Variants in DLG2 observed in about 807,000 individuals in gnomAD.
DLG2 encodes discs large MAGUK scaffold protein 2, also known as disks large homolog 2.
In DLG2, 45 loss-of-function variants were observed where a neutral mutation model predicts 132.5. The observed-to-expected ratio is 0.34, with a 90% CI of 0.27 to 0.44. DLG2 has a LOEUF of 0.44. Ranked by LOEUF, DLG2 falls within the 20% of genes least tolerant of loss-of-function variation. DLG2 has a pLI of 1.00. For missense variants in DLG2, 1,045 were observed against 1,196.9 expected, an observed-to-expected ratio of 0.87 and a Z score of 1.87; for synonymous variants, 424 against 419.6, an observed-to-expected ratio of 1.01 and a Z score of -0.13.
intron 6 of DLG2, among the ~76,000 whole-genome samples, chr11:85,003,333 AT>A (rs2058373187): frequency 6.6e-6 from 1 of 152,192 alleles, no homozygotes; most frequent in Non-Finnish European, 1.5e-5. Context: ...TTCAAAAAAA[AT>A]ATTCAGAAGT....
intron 14 of DLG2, among the ~76,000 whole-genome samples, chr11:83,946,279 C>T (rs891104291): frequency 2.0e-5 from 3 of 152,200 alleles, no homozygotes; most frequent in Middle Eastern, 3.2e-3. Flanking sequence ...TGAGCCACCA[C>T]ACCCAGCCAA....
chr11:84,920,113 A>G (rs2092687597), intron 6 of DLG2, among the ~76,000 whole-genome samples: 1 of 152,210 alleles, frequency 6.6e-6, no homozygotes, highest in Non-Finnish European at 1.5e-5. Flanking sequence ...CTTCTAGAAA[A>G]TAGGTAGCAA....
intron 9 of DLG2, among the ~76,000 whole-genome samples, chr11:84,109,283 C>T (rs1439620625): frequency 6.6e-6 from 1 of 152,068 alleles, no homozygotes; most frequent in Non-Finnish European, 1.5e-5. Context: ...TACTTTGGTC[C>T]CCACAACTGT....
intron 18 of DLG2, among the ~76,000 whole-genome samples, chr11:83,638,915 C>A (rs1196903415): frequency 1.3e-5 from 2 of 152,178 alleles, no homozygotes; most frequent in African/African-American, 4.8e-5. Context: ...GTGAACACCA[C>A]AAACTACACA....
intron 3 of DLG2, among the ~76,000 whole-genome samples, chr11:85,324,924 G>GAAGCAGGTGCGCAC (rs1565326504): frequency 6.8e-6 from 1 of 146,684 alleles, no homozygotes; most frequent in Non-Finnish European, 1.5e-5. Context: ...CGCACCGTGC[G>GAAGCAGGTGCGCAC]CGAGCCGAAG....
chr11:85,525,495 T>C (rs1241482556), intron 3 of DLG2, among the ~76,000 whole-genome samples: 1 of 152,178 alleles, frequency 6.6e-6, no homozygotes, highest in Non-Finnish European at 1.5e-5. Context: ...ACGAAATACT[T>C]ATTAGAACAG....
chr11:83,806,555 T>G (rs769699565), intron 17 of DLG2, among the ~76,000 whole-genome samples: 1 of 152,190 alleles, frequency 6.6e-6, no homozygotes, highest in African/African-American at 2.4e-5. Context: ...TGTTCTGTGA[T>G]TTGCTTTCTT....
chr11:84,831,184 C>T (rs2153994204), intron 6 of DLG2, among the ~76,000 whole-genome samples: 1 of 151,338 alleles, frequency 6.6e-6, no homozygotes, highest in South Asian at 2.1e-4. Flanking sequence ...GCTGACAGAA[C>T]AAAGAAGCAG....
At chr11:83,651,832 T>C (rs1381707124) in intron 18 of DLG2, 1 of 470,966 alleles carries the variant, frequency 2.1e-6, no homozygotes, top group Non-Finnish European at 4.4e-6. Flanking sequence ...AAAGATTTGC[T>C]CCCTACCTGG....
At chr11:84,808,929 G>A (rs1006642254) in intron 6 of DLG2, among the ~76,000 whole-genome samples, 1 of 151,920 alleles carries the variant, frequency 6.6e-6, no homozygotes, top group Non-Finnish European at 1.5e-5. Context: ...GAAAACAGAA[G>A]AGGAGAGAAC....
intron 18 of DLG2, among the ~76,000 whole-genome samples, chr11:83,779,577 A>C (rs2094723692): frequency 6.6e-6 from 1 of 152,156 alleles, no homozygotes; most frequent in Non-Finnish European, 1.5e-5. Context: ...ATCATGAGCT[A>C]CTACAGTAAA....
At chr11:83,602,723 A>C (rs980862380) in intron 19 of DLG2, among the ~76,000 whole-genome samples, 2 of 152,202 alleles carry the variant, frequency 1.3e-5, no homozygotes, top group African/African-American at 4.8e-5. Flanking sequence ...TACCTGCCTC[A>C]TAGTGGTATA....
rs546889183 is a variant in DLG2 at position 83,748,759 on chromosome 11, T to A, written c.1825+37931A>T. Among the ~76,000 whole-genome samples the A allele has an allele frequency of 2.2e-4, 33 of 152,332 alleles. No individual in the cohort carries two copies. The South Asian group carries it at 6.8e-3, about 32-fold the overall frequency. On this transcript the variant is annotated intron_variant, in intron 18 of 27. Transcript: ENST00000376104. ...AAGGGTATCTTTTATGTGCACTATT[T>A]ATATTGGCGGTAGAAAATAGAAATG...
chr11:84,152,892 C>T (rs538320346), intron 9 of DLG2, among the ~76,000 whole-genome samples: 52 of 152,180 alleles, frequency 3.4e-4, no homozygotes, highest in Non-Finnish European at 6.8e-4. Flanking sequence ...ATACTGTCAT[C>T]CTGTTGTTAG....
At position 84,298,610 on chromosome 11, in the gene DLG2, T is replaced by C. The variant is rs1202221466; in HGVS notation, c.520-47319A>G. ...TCTCACAAAGCTTCTAATACGATAG[T>C]TGAAACAGACCTGTAAGTAACTACA... On this transcript the variant is annotated intron_variant, in intron 7 of 27. Transcript: ENST00000376104. 2.0e-5 allele frequency among the ~76,000 whole-genome samples: 3 copies of C among 152,204 alleles called. No homozygotes were observed. The East Asian group carries it at 5.8e-4, about 29-fold the overall frequency.
chr11:84,682,089 C>T (rs1023842151), intron 6 of DLG2, among the ~76,000 whole-genome samples: 5 of 151,992 alleles, frequency 3.3e-5, no homozygotes, highest in Admixed American at 6.6e-5. Context: ...TCTACTTATC[C>T]GGCTACCCAC....
intron 6 of DLG2, among the ~76,000 whole-genome samples, chr11:84,930,360 G>A (rs1243198465): frequency 2.6e-5 from 4 of 152,066 alleles, no homozygotes. Flanking sequence ...GTTCCCTTGA[G>A]CACATAGTAT....
At chr11:84,853,681 A>T (rs1207552111) in intron 6 of DLG2, among the ~76,000 whole-genome samples, 1 of 151,980 alleles carries the variant, frequency 6.6e-6, no homozygotes, top group Non-Finnish European at 1.5e-5. Context: ...ACAATCCTTA[A>T]CTTTACTGAG....
intron 3 of DLG2, among the ~76,000 whole-genome samples, chr11:85,399,063 A>G (rs2087742026): frequency 1.3e-5 from 2 of 152,214 alleles, no homozygotes; most frequent in Non-Finnish European, 2.9e-5. Flanking sequence ...CCTTAAGCTG[A>G]TAAGCAACTT....
Sources: allele counts gnomAD v4.1 joint callset (sites outside exome capture counted in the v4.1 genomes callset), GRCh38; gene constraint gnomAD v4.1.1; transcripts MANE v1.5; gene names NCBI Gene and HGNC (gene_info 2026-07-23, HGNC 2026-07-21).